Variants in ROBO2 observed in about 807,000 individuals in gnomAD.
ROBO2 encodes the protein roundabout homolog 2.
A neutral mutation model predicts 160.8 loss-of-function variants in ROBO2; 53 were observed. The ratio of observed to expected loss-of-function variants is 0.33; its 90% CI spans 0.26 to 0.41. The LOEUF (loss-of-function observed/expected upper bound fraction) is 0.41, where lower values mean the gene tolerates loss of function less well. ROBO2 is among the 10% of genes least tolerant of loss of function. The pLI, the probability that ROBO2 is intolerant of heterozygous loss-of-function variation, is 1.00. For synonymous variants in ROBO2, 664 were observed against 611.7 expected (o/e 1.09, Z -1.26); for missense variants, 1,577 against 1,722.4 (o/e 0.92, Z 1.49).
chr3:76,164,135 C>G (rs906546538), intron 2 of ROBO2, among the ~76,000 whole-genome samples: 2 of 152,200 alleles, frequency 1.3e-5, no homozygotes, highest in African/African-American at 4.8e-5. Context: ...ATAGACCACT[C>G]TCTTTGCTCA....
intron 2 of ROBO2, among the ~76,000 whole-genome samples, chr3:76,585,658 G>GTTA (rs2085988855): frequency 6.6e-6 from 1 of 152,122 alleles, no homozygotes; most frequent in Admixed American, 6.5e-5. Context: ...AAAACATGTT[G>GTTA]TTATTAAGAA....
chr3:77,090,930 T>A (rs2070145006), intron 1 of ROBO2, among the ~76,000 whole-genome samples: 1 of 152,180 alleles, frequency 6.6e-6, no homozygotes, highest in African/African-American at 2.4e-5. Flanking sequence ...AAAACAGACA[T>A]AGTTATGGCT....
chr3:76,108,739 A>G (rs1056113698), intron 2 of ROBO2, among the ~76,000 whole-genome samples: 1 of 151,408 alleles, frequency 6.6e-6, no homozygotes, highest in African/African-American at 2.4e-5. Flanking sequence ...ACTATGTATT[A>G]CCAAATTCTG....
At chr3:77,106,096 G>C (rs1458038943) in intron 2 of ROBO2, among the ~76,000 whole-genome samples, 1 of 152,174 alleles carries the variant, frequency 6.6e-6, no homozygotes, top group Non-Finnish European at 1.5e-5. Context: ...AGACTGGAGT[G>C]CAGCGGTGTG....
intron 1 of ROBO2, among the ~76,000 whole-genome samples, chr3:77,071,800 C>G (rs560111469): frequency 4.6e-5 from 7 of 152,282 alleles, no homozygotes; most frequent in African/African-American, 1.7e-4. Flanking sequence ...CTTACTTGCA[C>G]GAGGCTGAGC....
chr3:77,522,359 G>A (rs73845121), intron 5 of ROBO2, among the ~76,000 whole-genome samples: 1,614 of 150,540 alleles, frequency 0.011, 37 homozygotes, highest in African/African-American at 0.036. Flanking sequence ...AATATATTTC[G>A]GCTCTCTAAT....
At chr3:75,989,028 AAT>A (rs1447421558) in intron 2 of ROBO2, among the ~76,000 whole-genome samples, 5 of 152,116 alleles carry the variant, frequency 3.3e-5, no homozygotes, top group South Asian at 2.1e-4. Flanking sequence ...ACTTCACATT[AAT>A]ATATATGTTA....
At chr3:77,419,471 T>C (rs2077526926) in intron 2 of ROBO2, among the ~76,000 whole-genome samples, 2 of 152,066 alleles carry the variant, frequency 1.3e-5, no homozygotes, top group South Asian at 2.1e-4. Flanking sequence ...CATATATTAC[T>C]ATGAAAACTG....
chr3:77,233,920 A>G (rs1256901393), intron 2 of ROBO2, among the ~76,000 whole-genome samples: 1 of 152,242 alleles, frequency 6.6e-6, no homozygotes, highest in Non-Finnish European at 1.5e-5. Flanking sequence ...AATTTGCACA[A>G]CTTAAAAATA....
chr3:77,590,390 T>C (rs2094151342), intron 17 of ROBO2, among the ~76,000 whole-genome samples: 1 of 152,150 alleles, frequency 6.6e-6, no homozygotes, highest in African/African-American at 2.4e-5. Flanking sequence ...TAACTGAGTG[T>C]CAGAGTCTGG....
intron 2 of ROBO2, among the ~76,000 whole-genome samples, chr3:77,277,321 G>T (rs892397893): frequency 6.6e-6 from 1 of 151,138 alleles, no homozygotes; most frequent in Non-Finnish European, 1.5e-5. Context: ...AAGTTCAGGT[G>T]TACATGTGCA....
intron 2 of ROBO2, among the ~76,000 whole-genome samples, chr3:77,148,290 T>C (rs763194595): frequency 2.0e-5 from 3 of 152,198 alleles, no homozygotes; most frequent in Non-Finnish European, 4.4e-5. Flanking sequence ...AAAGGGGCTT[T>C]AATAGCACAA....
rs112264367 is a variant in ROBO2, at chr3:77,099,059, T to G, written c.388+719T>G. 9.5e-3 allele frequency among the ~76,000 whole-genome samples: 1,297 copies of G among 135,868 alleles called. 18 individuals carry two copies. The highest frequency in any genetic ancestry group is 0.034 in the African/African-American group (1,253 of 36,658). 89.1% of individuals were successfully genotyped at this position (135,868 alleles called of 152,430 possible). ...TTTCTTTTGGTAAACAAAATTGTACTTTTCTTTCTTTCTTTTTTTTTTTTT... is the reference window on the plus strand; with the variant it reads ...TTTCTTTTGGTAAACAAAATTGTACGTTTCTTTCTTTCTTTTTTTTTTTTT... On this transcript the variant is annotated intron_variant, in intron 2 of 25. Coordinates refer to ENST00000461745, the Ensembl canonical transcript of ROBO2.
At chr3:76,101,782 G>C (rs1382060135) in intron 2 of ROBO2, among the ~76,000 whole-genome samples, 1 of 146,944 alleles carries the variant, frequency 6.8e-6, no homozygotes, top group East Asian at 2.1e-4. Flanking sequence ...GTACCCCGGG[G>C]TGTGATGTTC....
At chr3:76,940,229 G>C (rs942720361) in intron 2 of ROBO2, among the ~76,000 whole-genome samples, 3 of 152,094 alleles carry the variant, frequency 2.0e-5, no homozygotes, top group African/African-American at 4.8e-5. Context: ...TGATCCGCCT[G>C]CCTCGGCCTC....
At chr3:76,275,083 G>C (rs1707841646) in intron 2 of ROBO2, among the ~76,000 whole-genome samples, 1 of 152,074 alleles carries the variant, frequency 6.6e-6, no homozygotes, top group Non-Finnish European at 1.5e-5. Context: ...TGGAAAAAGT[G>C]ATTGACAACA....
chr3:76,835,914 T>G (rs189023980), intron 2 of ROBO2, among the ~76,000 whole-genome samples: 248 of 152,116 alleles, frequency 1.6e-3, no homozygotes, highest in African/African-American at 5.7e-3. Flanking sequence ...ACAGCGTGAT[T>G]AGACAATTTG....
At chr3:76,807,892 C>A (rs1048350951) in intron 2 of ROBO2, among the ~76,000 whole-genome samples, 1 of 151,808 alleles carries the variant, frequency 6.6e-6, no homozygotes, top group African/African-American at 2.4e-5. Context: ...TATTCATGCA[C>A]AAAAACTTAG....
intron 2 of ROBO2, among the ~76,000 whole-genome samples, chr3:76,412,429 A>G (rs1173909795): frequency 1.3e-5 from 2 of 152,150 alleles, no homozygotes; most frequent in Non-Finnish European, 2.9e-5. Context: ...CATTAACCCA[A>G]AAGTCCACAG....
Sources: gnomAD v4.1 joint callset for allele counts (sites outside exome capture counted in the v4.1 genomes callset) on GRCh38, gnomAD v4.1.1 for gene constraint, MANE v1.5 for transcripts, NCBI Gene and HGNC (gene_info 2026-07-23, HGNC 2026-07-21) for gene names.